Variants in DACH2 observed in about 807,000 individuals in gnomAD.
DACH2 encodes dachshund homolog 2.
DACH2 carries 17 observed loss-of-function variants against 35.8 expected under a neutral mutation model. The ratio of observed to expected loss-of-function variants is 0.48; its 90% CI spans 0.33 to 0.71. The LOEUF is 0.71. Ranked by LOEUF, DACH2 falls within the 30% of genes least tolerant of loss-of-function variation. The pLI, the probability that DACH2 is intolerant of heterozygous loss-of-function variation, is 0.02. For synonymous variants in DACH2, 195 were observed against 177.3 expected, an observed-to-expected ratio of 1.10 and a Z score of -0.79; for missense variants, 469 against 472.7, an observed-to-expected ratio of 0.99 and a Z score of 0.07.
At chrX:86,284,321 C>A (rs2034100208) in intron 1 of DACH2, among the ~76,000 whole-genome samples, 1 of 111,532 alleles carries the variant, frequency 9.0e-6, no homozygotes, top group Non-Finnish European at 1.9e-5. Context: ...TTATCAAATG[C>A]CTTTTCAGCA....
At chrX:86,584,293 T>C (rs1426602741) in intron 3 of DACH2, among the ~76,000 whole-genome samples, 2 of 111,103 alleles carry the variant, frequency 1.8e-5, no homozygotes, top group Non-Finnish European at 3.8e-5. Context: ...TTTTATTCTA[T>C]TATTATTATC....
At chrX:86,729,681 T>C (rs1156857429) in intron 6 of DACH2, among the ~76,000 whole-genome samples, 1 of 111,940 alleles carries the variant, frequency 8.9e-6, no homozygotes, top group Non-Finnish European at 1.9e-5. Context: ...AAATCCCTTG[T>C]GAATGTCTCA....
intron 2 of DACH2, chrX:86,481,577 C>G (rs1180125545): frequency 3.6e-5 from 4 of 112,092 alleles, no homozygotes; most frequent in Middle Eastern, 4.2e-3. Flanking sequence ...AAAATTTAGG[C>G]AGAAATAGCT....
chrX:86,292,627 C>T (rs1171115524), intron 1 of DACH2, among the ~76,000 whole-genome samples: 1 of 110,317 alleles, frequency 9.1e-6, no homozygotes, highest in East Asian at 2.9e-4. Flanking sequence ...TATGTTGTGT[C>T]TTTGTTCTCA....
At chrX:86,210,104 G>C (rs1181268055) in intron 1 of DACH2, among the ~76,000 whole-genome samples, 1 of 111,735 alleles carries the variant, frequency 8.9e-6, no homozygotes, top group Non-Finnish European at 1.9e-5. Flanking sequence ...TTTGAGCCTT[G>C]CATAATTGCT....
chrX:86,656,843 A>T (rs2040545552), intron 4 of DACH2, among the ~76,000 whole-genome samples: 1 of 77,954 alleles, frequency 1.3e-5, no homozygotes. Context: ...GTATTAAAAT[A>T]CATGTGTGTG....
At chrX:86,529,290 C>T (rs988043001) in intron 3 of DACH2, among the ~76,000 whole-genome samples, 2 of 110,954 alleles carry the variant, frequency 1.8e-5, no homozygotes, top group Non-Finnish European at 3.8e-5. Context: ...AGTGATCCTC[C>T]TGCCTCAGCC....
At chrX:86,689,930 A>C (rs900508607) in intron 4 of DACH2, among the ~76,000 whole-genome samples, 6 of 111,875 alleles carry the variant, frequency 5.4e-5, no homozygotes, top group African/African-American at 1.9e-4. Context: ...TTGAATTCAT[A>C]AGACAGAGAT....
chrX:86,225,807 C>A (rs1184212971), intron 1 of DACH2, among the ~76,000 whole-genome samples: 1 of 111,009 alleles, frequency 9.0e-6, no homozygotes, highest in Non-Finnish European at 1.9e-5. Context: ...TCTTTGAAGG[C>A]ACAATAGCCA....
At chrX:86,274,682 T>C (rs2033884944) in intron 1 of DACH2, among the ~76,000 whole-genome samples, 1 of 108,173 alleles carries the variant, frequency 9.2e-6, no homozygotes, top group Non-Finnish European at 1.9e-5. Flanking sequence ...GTATTTTTAG[T>C]AGAGACGGGG....
At chrX:86,524,323 G>A (rs2038600399) in intron 3 of DACH2, among the ~76,000 whole-genome samples, 1 of 112,035 alleles carries the variant, frequency 8.9e-6, no homozygotes, top group Non-Finnish European at 1.9e-5. Context: ...CAGTGAAGCT[G>A]TTTTACAGTG....
chrX:86,227,842 AT>A (rs1444860285), intron 1 of DACH2, among the ~76,000 whole-genome samples: 6 of 111,656 alleles, frequency 5.4e-5, no homozygotes, highest in African/African-American at 1.9e-4. Flanking sequence ...AGAAAGTTAC[AT>A]TTAAAACCAA....
intron 2 of DACH2, among the ~76,000 whole-genome samples, chrX:86,423,425 G>A (rs1350957011): frequency 1.8e-5 from 2 of 110,951 alleles, no homozygotes; most frequent in Non-Finnish European, 3.8e-5. Flanking sequence ...GATCAGTGAT[G>A]TTTTTCACCT....
intron 1 of DACH2, among the ~76,000 whole-genome samples, chrX:86,276,921 G>A (rs1235061479): frequency 2.7e-5 from 3 of 111,486 alleles, no homozygotes; most frequent in African/African-American, 9.8e-5. Flanking sequence ...ATGCTGTTTT[G>A]GTTCCTATAG....
At chrX:86,598,128 C>A (rs1182236491) in intron 3 of DACH2, among the ~76,000 whole-genome samples, 1 of 111,293 alleles carries the variant, frequency 9.0e-6, no homozygotes, top group East Asian at 2.9e-4. Flanking sequence ...TTACCTCCCA[C>A]CAGGTCCCTC....
intron 2 of DACH2, among the ~76,000 whole-genome samples, chrX:86,475,221 C>A (rs1401739209): frequency 9.0e-6 from 1 of 111,145 alleles, no homozygotes; most frequent in Non-Finnish European, 1.9e-5. Context: ...TGAGGAATAT[C>A]AACAGAATTG....
intron 1 of DACH2, among the ~76,000 whole-genome samples, chrX:86,267,078 C>T (rs2033726589): frequency 8.9e-6 from 1 of 111,870 alleles, no homozygotes; most frequent in Non-Finnish European, 1.9e-5. Flanking sequence ...TGAGTTTACA[C>T]CAATGACTAG....
At chrX:86,230,971 A>G (rs971796335) in intron 1 of DACH2, among the ~76,000 whole-genome samples, 1 of 111,987 alleles carries the variant, frequency 8.9e-6, no homozygotes, top group Non-Finnish European at 1.9e-5. Flanking sequence ...ACTTTTAAAA[A>G]TTTCAATTTG....
chrX:86,335,971 T>G (rs1263762809), intron 1 of DACH2, among the ~76,000 whole-genome samples: 2 of 112,141 alleles, frequency 1.8e-5, no homozygotes, highest in African/African-American at 3.2e-5. Context: ...GCTGTTGAAT[T>G]TTGTTGAAGG....
Sources: gnomAD v4.1 joint callset for allele counts (sites outside exome capture counted in the v4.1 genomes callset) on GRCh38, gnomAD v4.1.1 for gene constraint, MANE v1.5 for transcripts, NCBI Gene and HGNC (gene_info 2026-07-23, HGNC 2026-07-21) for gene names.